The following RFC1 variants were observed in gnomAD, a reference collection of about 807,000 sequenced individuals.
RFC1 encodes replication factor C subunit 1.
RFC1 carries 37 observed loss-of-function variants against 137.4 expected under a neutral mutation model. The observed-to-expected ratio is 0.27, with a 90% CI of 0.21 to 0.35. RFC1 has a LOEUF of 0.35. Ranked by LOEUF, RFC1 falls within the 10% of genes least tolerant of loss-of-function variation. The pLI is 1.00. For synonymous variants in RFC1, 429 were observed against 455.7 expected (o/e 0.94, Z 0.75); for missense variants, 1,205 against 1,358.5 (o/e 0.89, Z 1.78).
chr4:39,366,112 C>A (rs1742014067), intron 1 of RFC1, 127 bp downstream of exon 1: 2 of 1,065,944 alleles, frequency 1.9e-6, no homozygotes, highest in South Asian at 3.4e-5. Flanking sequence ...CCTTCTCTGC[C>A]TTTGCTAGCC....
intron 11 of RFC1, 150 bp downstream of exon 11, chr4:39,312,601 AT>A (rs1205768539): frequency 2.8e-6 from 2 of 723,820 alleles, no homozygotes; most frequent in African/African-American, 1.8e-5. Flanking sequence ...GTCAGAGCCA[AT>A]AACACTTCTG....
intron 1 of RFC1, among the ~76,000 whole-genome samples, chr4:39,353,168 A>G (rs183193221): frequency 2.6e-5 from 4 of 152,140 alleles, no homozygotes; most frequent in African/African-American, 7.2e-5. Context: ...TAGGAGGCCA[A>G]TGCAAAAGGA....
Position 39,308,842 on chromosome 4 carries a change from G to A in RFC1, c.1679C>T (p.Ala560Val). 1 of 1,614,030 alleles carries A rather than the reference G, an allele frequency of 6.2e-7. No homozygotes were observed. Among genetic ancestry groups the A allele is most frequent in the Non-Finnish European group, 8.5e-7 (1 of 1,179,976 alleles). The stretch of plus-strand genomic sequence containing the variant: ...CTTGCTGTCACCACTTGTCTCCTCA[G>A]CCACCTGCTCCTTGAAATCCAGGCT... The part of the protein sequence containing the change: ...WKSLDFKEQV[A>V]EETSGDSKAR... The change falls in exon 13 of 25, where the codon GCT (alanine) becomes GTT (valine). Residue 560 changes from alanine (A) to valine (V), a missense_variant. Around this residue, in one of 3 missense-constraint regions of RFC1, gnomAD observed 962 missense variants for 1,035.3 expected, o/e 0.93. Transcript: ENST00000349703.
At chr4:39,326,398 C>A (rs1254073099) in intron 6 of RFC1, among the ~76,000 whole-genome samples, 165 bp downstream of exon 6, 1 of 152,132 alleles carries the variant, frequency 6.6e-6, no homozygotes, top group Admixed American at 6.5e-5. Flanking sequence ...AAATAATTCT[C>A]CCCTGGTCTC....
chr4:39,329,462 C>A (rs774494145), intron 4 of RFC1, among the ~76,000 whole-genome samples: 10 of 151,854 alleles, frequency 6.6e-5, no homozygotes, highest in African/African-American at 2.2e-4. Context: ...TAGCGGTGCG[C>A]GCCTGTAGTC....
chr4:39,327,694 T>A lies in RFC1; in HGVS notation c.394A>T (p.Thr132Ser), dbSNP rs1739849849. The part of the protein sequence containing the change: ...ASKSKENGRS[T>S]NSHLGTSNMK... The stretch of plus-strand genomic sequence containing the variant: ...TTTGATGTTCCAAGATGACTATTTG[T>A]AGATCTTCCATTCTCTTTTGATTTA... Residue 132 changes from threonine (T) to serine (S), a missense_variant, in exon 5 of 25, where the codon ACA becomes TCA. This residue lies in a region of RFC1 where 962 missense variants were observed against 1,035.3 expected (regional missense o/e 0.93). Transcript: ENST00000349703. The A allele has an allele frequency of 2.5e-6, 4 of 1,613,368 alleles. No individual in the cohort carries two copies. In the South Asian group the frequency reaches 3.3e-5, roughly 13 times the overall value.
intron 1 of RFC1, among the ~76,000 whole-genome samples, chr4:39,351,995 T>C (rs532556517): frequency 2.0e-5 from 3 of 151,404 alleles, no homozygotes; most frequent in Non-Finnish European, 4.4e-5. Context: ...GAATAATTTG[T>C]CTAATAAAGA....
At chr4:39,303,003 G>T in intron 16 of RFC1, 57 bp downstream of exon 16, 1 of 1,498,696 alleles carries the variant, frequency 6.7e-7, no homozygotes. Context: ...GAATGACAAT[G>T]TTCTAACAAT....
At chr4:39,303,734 G>A (rs556321641) in intron 15 of RFC1, among the ~76,000 whole-genome samples, 9 of 152,356 alleles carry the variant, frequency 5.9e-5, no homozygotes, top group Admixed American at 1.3e-4. Context: ...GATTACAGGC[G>A]TGAGCCAACA....
chr4:39,345,522 C>G (rs1740813848), intron 2 of RFC1, 46 bp from the exon 3 acceptor site: 1 of 1,473,448 alleles, frequency 6.8e-7, no homozygotes, highest in East Asian at 2.3e-5. Context: ...GCCTATATAA[C>G]TATCTTTTTT....
At chr4:39,308,073 G>C (rs986926647) in intron 13 of RFC1, among the ~76,000 whole-genome samples, 1 of 152,112 alleles carries the variant, frequency 6.6e-6, no homozygotes, top group African/African-American at 2.4e-5. Flanking sequence ...AGGCCTATCG[G>C]GCCTGCCACA....
Position 39,320,635 on chromosome 4 carries a change from G to A in RFC1, c.843C>T (p.Ser281=). The A allele has an allele frequency of 4.4e-6, 7 of 1,588,300 alleles. No homozygotes were observed. Among genetic ancestry groups the A allele is most frequent in the Non-Finnish European group, 6.0e-6 (7 of 1,172,748 alleles). Residue 281 remains serine (S), a synonymous_variant, in exon 9 of 25, where the codon AGC becomes AGT. Transcript: ENST00000349703. ...ATTTACTTTGCTTCCTAGGACTGTA[G>A]CTCTTTCTTTCATCTGAAACTTGTG... ...KTAQVSDERK[S]YSPRKQSKYE... is the part of the protein sequence containing the mutation.
At chr4:39,350,057 G>A (rs1223734291) in intron 2 of RFC1, among the ~76,000 whole-genome samples, 1 of 151,784 alleles carries the variant, frequency 6.6e-6, no homozygotes, top group Non-Finnish European at 1.5e-5. Context: ...ATAAAAGACA[G>A]AAATTAAAGC....
At chr4:39,314,331 G>A (rs1739125988) in intron 10 of RFC1, among the ~76,000 whole-genome samples, 1 of 152,128 alleles carries the variant, frequency 6.6e-6, no homozygotes, top group Non-Finnish European at 1.5e-5. Context: ...AATTGCACAT[G>A]CAAGCCCCTA....
intron 4 of RFC1, among the ~76,000 whole-genome samples, chr4:39,341,305 C>T (rs570639963): frequency 1.2e-4 from 18 of 152,304 alleles, no homozygotes; most frequent in African/African-American, 4.1e-4. Flanking sequence ...GTATTCAAAA[C>T]TTCACAAAGG....
At chr4:39,317,472 C>T (rs917018941) in intron 9 of RFC1, among the ~76,000 whole-genome samples, 4 of 152,176 alleles carry the variant, frequency 2.6e-5, no homozygotes, top group Admixed American at 2.0e-4. Context: ...CACCAGCCTG[C>T]ATCCCTAAGG....
chr4:39,306,698 T>C lies in RFC1; in HGVS notation c.1889A>G (p.Lys630Arg), dbSNP rs748034378. 46 of 1,606,724 alleles carry C rather than the reference T, an allele frequency of 2.9e-5. No individual in the cohort carries two copies. The highest frequency in any genetic ancestry group is 3.4e-5 in the Non-Finnish European group (40 of 1,173,474). Reference protein sequence around the residue: ...KSSSEDKKHAKFGKFSGKDDG... With the variant: ...KSSSEDKKHARFGKFSGKDDG... ...ATCTTTGCCGGAAAATTTACCAAAC[T>C]TTGCTGCTAGGAAAAAAGAAGTTCC... The change falls in exon 14 of 25, where the codon AAG (lysine) becomes AGG (arginine). Residue 630 changes from lysine to arginine, a missense_variant. Coordinates refer to ENST00000349703, the MANE Select transcript of RFC1 (RefSeq NM_002913.5).
In RFC1 at chr4:39,333,770, T is replaced by C. The variant is rs17288083; in HGVS notation, c.332-6014A>G. On this transcript the variant is annotated intron_variant, in intron 4 of 24. Transcript: ENST00000349703. ...CCTTCTCTGAATACATGAATTTAAA[T>C]TGAACAATGTCTTCAAGCTATAGAT... Among the ~76,000 whole-genome samples the C allele has an allele frequency of 7.6e-3, 1,162 of 152,276 alleles. 11 individuals are homozygous for C. The highest frequency in any genetic ancestry group is 0.013 in the Non-Finnish European group (869 of 67,996).
At chr4:39,365,342 A>G in intron 1 of RFC1, 1 of 318,898 alleles carries the variant, frequency 3.1e-6, no homozygotes, top group Non-Finnish European at 4.5e-6. Flanking sequence ...TGTCACTGTG[A>G]CACGTTGACC....
Sources: gnomAD v4.1 joint callset for allele counts (sites outside exome capture counted in the v4.1 genomes callset) on GRCh38, gnomAD v4.1.1 for gene constraint, gnomAD v4.1.1 regional missense constraint, MANE v1.5 for transcripts, NCBI Gene and HGNC (gene_info 2026-07-23, HGNC 2026-07-21) for gene names.